Variants in SAMD4B observed in about 807,000 individuals in gnomAD.
SAMD4B encodes the protein protein Smaug homolog 2.
SAMD4B carries 5 observed loss-of-function variants against 74.5 expected under a neutral mutation model. The observed-to-expected ratio is 0.07, with a 90% CI of 0.04 to 0.14. The LOEUF is 0.14. SAMD4B is among the 10% of genes least tolerant of loss of function. SAMD4B has a pLI of 1.00. For synonymous variants in SAMD4B, 373 were observed against 374.9 expected, an observed-to-expected ratio of 1.00 and a Z score of 0.06; for missense variants, 608 against 921.8, an observed-to-expected ratio of 0.66 and a Z score of 4.41.
intron 1 of SAMD4B, chr19:39,348,228 T>C (rs920357569): frequency 3.9e-5 from 6 of 152,238 alleles, no homozygotes; most frequent in Admixed American, 1.3e-4. Flanking sequence ...ATGCTAGGAA[T>C]TGGAGATGTA....
In SAMD4B at chr19:39,363,808, C is replaced by T. The variant is rs564282792; in HGVS notation, c.197-5847C>T. Among the ~76,000 whole-genome samples the T allele has an allele frequency of 8.5e-5, 13 of 152,320 alleles. No homozygotes were observed. In the South Asian group the frequency reaches 2.5e-3, roughly 29 times the overall value. On this transcript the variant is annotated intron_variant, in intron 3 of 13. Transcript: ENST00000610417. ...CTGCTAGGACCTGAGACAGAGTACA[C>T]CACTACCTTCCAGGGGACCATCTGG...
At chr19:39,370,759 T>C (rs2077245281) in intron 4 of SAMD4B, among the ~76,000 whole-genome samples, 1 of 152,182 alleles carries the variant, frequency 6.6e-6, no homozygotes, top group Non-Finnish European at 1.5e-5. Context: ...TTTGTAATAG[T>C]AGGTAGCATT....
At position 39,369,976 on chromosome 19, in the gene SAMD4B, A is replaced by T. The variant is rs751587973; in HGVS notation, c.518A>T (p.Asp173Val). ...EPSYHSRQGSDEWGGPAELGP... is the reference protein window; with the variant it reads ...EPSYHSRQGSVEWGGPAELGP... ...TCCTACCATTCACGTCAAGGCTCAGATGAGTGGGGGGGCCCTGCAGAGCTA... is the reference window on the plus strand; with the variant it reads ...TCCTACCATTCACGTCAAGGCTCAGTTGAGTGGGGGGGCCCTGCAGAGCTA... Residue 173 changes from aspartate to valine, a missense_variant, in exon 4 of 14, where the codon GAT (aspartate) becomes GTT (valine). Around this residue, in one of 9 missense-constraint regions of SAMD4B, gnomAD observed 153 missense variants for 153.0 expected, o/e 1.00. Transcript: ENST00000610417. 1 of 1,613,644 alleles carries T rather than the reference A, an allele frequency of 6.2e-7. No homozygotes were observed. The highest frequency in any genetic ancestry group is 2.2e-5 in the East Asian group (1 of 44,866).
rs2078158185 is a variant in SAMD4B at position 39,383,972 on chromosome 19, C to T, written c.*445C>T. On this transcript the variant is annotated 3_prime_UTR_variant, in exon 14 of 14. Coordinates refer to ENST00000610417, the MANE Select transcript of SAMD4B (RefSeq NM_001384574.2). The surrounding 1 kb of genome is among the most constrained non-coding windows in gnomAD (Gnocchi z 4.1). ...ACGCGCAGGGCAGAGAACCTGCCCT[C>T]CAGAATGTTATTGAGAGGAGCTGGG... The T allele has an allele frequency of 2.0e-6, 1 of 494,130 alleles. No individual in the cohort carries two copies. Among genetic ancestry groups the T allele is most frequent in the Non-Finnish European group, 3.6e-6 (1 of 278,220 alleles). 30.6% of individuals were successfully genotyped at this position (494,130 alleles called of 1,614,324 possible). A position where few individuals can be genotyped will look rare whatever the true frequency, so the allele number is the denominator to read the frequency against.
At chr19:39,355,305 A>G (rs1191036600) in intron 2 of SAMD4B, among the ~76,000 whole-genome samples, 1 of 152,130 alleles carries the variant, frequency 6.6e-6, no homozygotes, top group African/African-American at 2.4e-5. Flanking sequence ...ATTTTCCCTC[A>G]TACCTTTCCT....
downstream of SAMD4B, chr19:39,386,867 C>A: frequency 1.9e-6 from 2 of 1,060,796 alleles, no homozygotes; most frequent in South Asian, 1.3e-5. The surrounding 1 kb of genome is among the most constrained non-coding windows in gnomAD (Gnocchi z 6.1). Flanking sequence ...CACTTCCCCG[C>A]CCCCCAGTGA....
At chr19:39,367,731 G>A (rs1345638280) in intron 3 of SAMD4B, among the ~76,000 whole-genome samples, 3 of 150,668 alleles carry the variant, frequency 2.0e-5, no homozygotes, top group Non-Finnish European at 4.4e-5. Context: ...CTGGTCTCCA[G>A]CTCCTGACCT....
Position 39,370,105 on chromosome 19 carries a change from T to A in SAMD4B, c.647T>A (p.Ile216Asn). Reference sequence around the variant, plus strand: ...TCAGTGCCGCCAGCCATCAACAGTATTGGGAGCAATGCAAACACAGGTAAG... The same window carrying A: ...TCAGTGCCGCCAGCCATCAACAGTAATGGGAGCAATGCAAACACAGGTAAG... ...SSSVPPAINS[I>N]GSNANTGLPC... The change falls in exon 4 of 14, where the codon ATT (isoleucine) becomes AAT (asparagine). Residue 216 changes from isoleucine (I) to asparagine (N), a missense_variant. Physicochemically the swap from Ile to Asn is moderately radical, Grantham distance 149. Coordinates refer to ENST00000610417, the MANE Select transcript of SAMD4B (RefSeq NM_001384574.2). 2 of 1,596,452 alleles carry A rather than the reference T, an allele frequency of 1.3e-6. No homozygotes were observed. The highest frequency in any genetic ancestry group is 1.7e-6 in the Non-Finnish European group (2 of 1,171,614).
Position 39,376,762 on chromosome 19 carries a change from A to C in SAMD4B, c.1075A>C (p.Arg359=), listed in dbSNP as rs202186723. The part of the protein sequence containing the change: ...IALSIQKLRE[R]QSVLKSLEKD... ...CCTGAGCATCCAGAAGCTGCGTGAGAGACAGAGCGTCCTCAAGTCCCTAGA... is the reference window on the plus strand; with the variant it reads ...CCTGAGCATCCAGAAGCTGCGTGAGCGACAGAGCGTCCTCAAGTCCCTAGA... Residue 359 remains arginine, a synonymous_variant, in exon 7 of 14, where the codon AGA becomes CGA. Transcript: ENST00000610417. The C allele has an allele frequency of 1.7e-5, 28 of 1,614,070 alleles. No homozygotes were observed. Among genetic ancestry groups the C allele is most frequent in the Non-Finnish European group, 2.1e-5 (25 of 1,180,034 alleles).
At chr19:39,386,162 T>C (rs768988123), downstream of SAMD4B, 4 of 1,614,068 alleles carry the variant, frequency 2.5e-6, no homozygotes. The surrounding 1 kb of genome is among the most constrained non-coding windows in gnomAD (Gnocchi z 6.1). Context: ...CACTGCCACC[T>C]TGGGCCTGTC....
rs147919375 is a variant in SAMD4B, at chr19:39,383,950, C to T, written c.*423C>T. 2.0e-4 allele frequency: 108 copies of T among 542,496 alleles called. No homozygotes were observed. Among genetic ancestry groups the T allele is most frequent in the African/African-American group, 1.7e-3 (89 of 53,126 alleles). The allele number at this position is 542,496 out of a possible 1,614,324, so 33.6% of individuals were successfully genotyped here. ...GAAACATTTGACATTTGGGGTGACG[C>T]GCAGGGCAGAGAACCTGCCCTCCAG... On this transcript the variant is annotated 3_prime_UTR_variant, in exon 14 of 14. Transcript: ENST00000610417. The surrounding 1 kb of genome is among the most constrained non-coding windows in gnomAD (Gnocchi z 4.1).
chr19:39,384,902 AC>A lies in SAMD4B; in HGVS notation c.*1376del, dbSNP rs149712162. The A allele has an allele frequency of 1.3e-5, 2 of 152,242 alleles. No individual in the cohort carries two copies. Among genetic ancestry groups the A allele is most frequent in the African/African-American group, 2.4e-5 (1 of 41,316 alleles). The allele number at this position is 152,242 out of a possible 1,614,324, so 9.4% of individuals were successfully genotyped here. A position where few individuals can be genotyped will look rare whatever the true frequency, so the allele number is the denominator to read the frequency against. ...AAAGATACAAAATGTTGGGAAAAAAACAAAAAAAACAAAAAAAAAAAAAATT... is the reference window on the plus strand; with the variant it reads ...AAAGATACAAAATGTTGGGAAAAAAAAAAAAAAACAAAAAAAAAAAAAATT... On this transcript the variant is annotated 3_prime_UTR_variant, in exon 14 of 14. Coordinates refer to ENST00000610417, the MANE Select transcript of SAMD4B (RefSeq NM_001384574.2).
At chr19:39,354,599 G>C (rs1018017772) in intron 2 of SAMD4B, among the ~76,000 whole-genome samples, 2 of 31,440 alleles carry the variant, frequency 6.4e-5, no homozygotes, top group Non-Finnish European at 1.3e-4. Context: ...GGTCAGTAGA[G>C]AGAAACAAAT....
At chr19:39,357,999 A>C (rs1416623068) in intron 3 of SAMD4B, among the ~76,000 whole-genome samples, 1 of 152,186 alleles carries the variant, frequency 6.6e-6, no homozygotes, top group African/African-American at 2.4e-5. Flanking sequence ...GGCCAGATGC[A>C]GTGGCTCACG....
intron 2 of SAMD4B, among the ~76,000 whole-genome samples, chr19:39,355,256 A>G (rs1449807463): frequency 5.3e-5 from 8 of 152,186 alleles, no homozygotes; most frequent in Non-Finnish European, 1.0e-4. Flanking sequence ...CCCTTTAAAA[A>G]AAATTGCTGG....
chr19:39,375,996 G>GTAAGC lies in SAMD4B; in HGVS notation c.907+107_907+108insTAAGC. The GTAAGC allele has an allele frequency of 1.4e-6, 2 of 1,441,506 alleles. No homozygotes were observed. The highest frequency in any genetic ancestry group is 1.9e-6 in the Non-Finnish European group (2 of 1,071,652). 89.3% of individuals were successfully genotyped at this position (1,441,506 alleles called of 1,614,324 possible). On this transcript the variant is annotated intron_variant, in intron 5 of 13. Coordinates refer to ENST00000610417, the MANE Select transcript of SAMD4B (RefSeq NM_001384574.2). This position sits in a 1 kb window ranked among gnomAD's most constrained non-coding sequence, Gnocchi z 4.1. ...CACCTGCTTACCCCTCTGAGGAGGG[G>GTAAGC]ACATGTCTGAGGGGAGTAGATAGTC...
intron 5 of SAMD4B, 61 bp from the exon 6 acceptor site, chr19:39,376,376 T>G: frequency 7.1e-7 from 1 of 1,414,908 alleles, no homozygotes; most frequent in Non-Finnish European, 9.8e-7. Context: ...CCACAACTTT[T>G]CCTTTACCCT....
intron 4 of SAMD4B, among the ~76,000 whole-genome samples, chr19:39,370,515 C>A (rs1208172729): frequency 1.3e-5 from 2 of 152,074 alleles, no homozygotes; most frequent in Non-Finnish European, 2.9e-5. Context: ...CCCTTTAGAC[C>A]CTGCACAAGT....
chr19:39,385,357 G>T lies in SAMD4B; in HGVS notation c.*1830G>T. The T allele has an allele frequency of 2.5e-6, 1 of 402,048 alleles. No individual in the cohort carries two copies. Among genetic ancestry groups the T allele is most frequent in the Admixed American group, 4.1e-5 (1 of 24,676 alleles). The allele number at this position is 402,048 out of a possible 1,614,324, so 24.9% of individuals were successfully genotyped here. On this transcript the variant is annotated 3_prime_UTR_variant, in exon 14 of 14. Transcript: ENST00000610417. The stretch of plus-strand genomic sequence containing the variant: ...TCTTGTTCACTCTCCATCAGGGTGA[G>T]CTGACTGTGCCTGGCACTGGGAGGT...
Sources: gnomAD v4.1 joint callset for allele counts (sites outside exome capture counted in the v4.1 genomes callset) on GRCh38, gnomAD v4.1.1 for gene constraint, gnomAD v4.1.1 regional missense constraint, Gnocchi (gnomAD v3.1) non-coding constraint, MANE v1.5 for transcripts, NCBI Gene and HGNC (gene_info 2026-07-23, HGNC 2026-07-21) for gene names.